LYN: variants seen among roughly 807,000 people sequenced by gnomAD.
The protein encoded by LYN is LYN proto-oncogene, Src family tyrosine kinase.
LYN carries 12 observed loss-of-function variants against 65.0 expected under a neutral mutation model. The observed-to-expected ratio is 0.18, with a 90% CI of 0.12 to 0.30. LYN has a LOEUF of 0.30. Among genes scored for constraint, LYN ranks in the 10% least tolerant of loss-of-function variants. The pLI is 1.00. For missense variants in LYN, 380 were observed against 623.2 expected (o/e 0.61, Z 4.16); for synonymous variants, 222 against 221.2 (o/e 1.00, Z -0.03).
At chr8:55,882,209 A>G (rs1585556783) in intron 1 of LYN, among the ~76,000 whole-genome samples, 1 of 152,276 alleles carries the variant, frequency 6.6e-6, no homozygotes, top group Non-Finnish European at 1.5e-5. Context: ...AGTTGGCCCA[A>G]TCCAGAAGAC....
intron 12 of LYN, among the ~76,000 whole-genome samples, chr8:56,001,820 T>C (rs1808520601): frequency 1.3e-5 from 2 of 152,122 alleles, no homozygotes; most frequent in South Asian, 4.1e-4. Context: ...CGTGGTGTGC[T>C]GCATGTGATG....
intron 1 of LYN, among the ~76,000 whole-genome samples, chr8:55,932,471 G>GAGT (rs1370274042): frequency 6.6e-6 from 1 of 151,786 alleles, no homozygotes; most frequent in Non-Finnish European, 1.5e-5. Flanking sequence ...GCCCATCCTG[G>GAGT]AGTACAGTGG....
At chr8:55,926,894 G>T (rs1034283033) in intron 1 of LYN, among the ~76,000 whole-genome samples, 75 of 152,318 alleles carry the variant, frequency 4.9e-4, no homozygotes, top group Admixed American at 1.9e-3. Context: ...TCCTTGTGGA[G>T]CCCGGCTAAC....
intron 1 of LYN, among the ~76,000 whole-genome samples, chr8:55,906,327 G>A (rs575418526): frequency 9.2e-4 from 135 of 146,316 alleles, no homozygotes; most frequent in Non-Finnish European, 1.5e-3. Context: ...CCAAGAATTC[G>A]TTTTTTTTGT....
At chr8:55,955,059 A>C (rs10100561) in intron 8 of LYN, 39,738 of 151,996 alleles carry the variant, frequency 0.26, 5,794 homozygotes, top group Non-Finnish European at 0.32. Context: ...GTGAAAGCAA[A>C]TGTGATTTCT....
Position 55,950,570 on chromosome 8 carries a change from G to C in LYN, c.383+13G>C. 1 of 1,608,626 alleles carries C rather than the reference G, an allele frequency of 6.2e-7. No homozygotes were observed. Among genetic ancestry groups the C allele is most frequent in the Middle Eastern group, 1.7e-4 (1 of 6,046 alleles). ...TAGAAACAGAAGAGTGAGTCCTCAT[G>C]TGTTGTCATCTTGGTGGCTTTATTT... On this transcript the variant is annotated intron_variant, in intron 5 of 12. Coordinates refer to ENST00000519728, the MANE Select transcript of LYN (RefSeq NM_002350.4).
chr8:55,942,207 G>A (rs576382192), intron 2 of LYN, among the ~76,000 whole-genome samples: 1 of 151,302 alleles, frequency 6.6e-6, no homozygotes, highest in South Asian at 2.1e-4. Flanking sequence ...AAGGGCCTTT[G>A]GTCACATTCT....
chr8:55,941,288 C>A (rs1190356527), intron 1 of LYN, among the ~76,000 whole-genome samples: 4 of 152,214 alleles, frequency 2.6e-5, no homozygotes, highest in Non-Finnish European at 5.9e-5. Context: ...GCCCTGACTC[C>A]TGACCTTCCC....
At chr8:55,919,253 A>G (rs1805876998) in intron 1 of LYN, among the ~76,000 whole-genome samples, 1 of 152,196 alleles carries the variant, frequency 6.6e-6, no homozygotes. Flanking sequence ...ACAGTTGTTT[A>G]TTGAAAAGAA....
At chr8:55,994,036 A>T (rs1404294229) in intron 10 of LYN, among the ~76,000 whole-genome samples, 1 of 152,230 alleles carries the variant, frequency 6.6e-6, no homozygotes, top group African/African-American at 2.4e-5. Context: ...TTGACACTAC[A>T]TTCAATCAGC....
chr8:55,958,327 TAGAAG>T (rs1807178710), intron 8 of LYN, among the ~76,000 whole-genome samples: 1 of 152,232 alleles, frequency 6.6e-6, no homozygotes, highest in Non-Finnish European at 1.5e-5. Context: ...GAAACAAGTT[TAGAAG>T]AGAAGAGAAT....
chr8:55,978,342 A>C (rs966306336), intron 10 of LYN, among the ~76,000 whole-genome samples: 2 of 152,242 alleles, frequency 1.3e-5, no homozygotes, highest in African/African-American at 4.8e-5. Context: ...AGTGTTGCCT[A>C]TCACAGGCAC....
chr8:55,941,230 A>G (rs886520343), intron 1 of LYN, among the ~76,000 whole-genome samples: 1 of 152,128 alleles, frequency 6.6e-6, no homozygotes, highest in African/African-American at 2.4e-5. Flanking sequence ...TCTTCAGGGT[A>G]AAAAATCAAC....
intron 1 of LYN, among the ~76,000 whole-genome samples, chr8:55,926,374 A>C (rs191296843): frequency 5.4e-4 from 82 of 152,354 alleles, no homozygotes; most frequent in African/African-American, 1.7e-3. Context: ...TTGACTATGC[A>C]TGTATAGATG....
At chr8:55,896,340 G>A (rs181602188) in intron 1 of LYN, among the ~76,000 whole-genome samples, 99 of 152,124 alleles carry the variant, frequency 6.5e-4, no homozygotes, top group Non-Finnish European at 1.2e-3. Flanking sequence ...TATAAATAAA[G>A]AAACAGAATA....
chr8:55,998,526 G>A, intron 11 of LYN, 27 bp downstream of exon 11: 1 of 1,584,872 alleles, frequency 6.3e-7, no homozygotes, highest in South Asian at 1.1e-5. Context: ...ATCTTTAGAT[G>A]TTTTATTATT....
chr8:55,932,563 A>T (rs1021246795), intron 1 of LYN, among the ~76,000 whole-genome samples: 2 of 151,984 alleles, frequency 1.3e-5, no homozygotes, highest in African/African-American at 4.8e-5. Context: ...TGGGATCACA[A>T]GCATGCACCA....
intron 3 of LYN, among the ~76,000 whole-genome samples, chr8:55,947,016 G>A (rs902765406): frequency 1.8e-4 from 28 of 152,258 alleles, no homozygotes; most frequent in Admixed American, 6.5e-5. Context: ...GGGAGGCCAA[G>A]TTAGGTAGAT....
At chr8:55,997,783 A>G (rs1808413636) in intron 10 of LYN, among the ~76,000 whole-genome samples, 1 of 152,214 alleles carries the variant, frequency 6.6e-6, no homozygotes. Flanking sequence ...TTCTTCACAC[A>G]TTAGAAAATG....
Sources: allele counts gnomAD v4.1 joint callset (sites outside exome capture counted in the v4.1 genomes callset), GRCh38; gene constraint gnomAD v4.1.1; transcripts MANE v1.5; gene names NCBI Gene and HGNC (gene_info 2026-07-23, HGNC 2026-07-21).